Variants in CLOCK observed in about 807,000 individuals in gnomAD.
The protein encoded by CLOCK is clock circadian regulator, also known as circadian locomoter output cycles protein kaput.
Under a neutral mutation model 118.4 loss-of-function variants are expected in CLOCK, and 43 were observed. That is an observed-to-expected ratio of 0.36 (90% CI 0.28 to 0.47). CLOCK has a LOEUF of 0.47. Ranked by LOEUF, CLOCK falls within the 20% of genes least tolerant of loss-of-function variation. The pLI is 1.00. For synonymous variants in CLOCK, 326 were observed against 339.2 expected, an observed-to-expected ratio of 0.96 and a Z score of 0.43; for missense variants, 846 against 999.9, an observed-to-expected ratio of 0.85 and a Z score of 2.08.
intron 22 of CLOCK, 25 bp from the exon 23 acceptor site, chr4:55,435,619 C>T: frequency 6.2e-7 from 1 of 1,611,864 alleles, no homozygotes; most frequent in Non-Finnish European, 8.5e-7. Flanking sequence ...GATTATGCAG[C>T]ATTGCTTTAC....
chr4:55,468,521 A>G (rs1454350881), intron 8 of CLOCK, among the ~76,000 whole-genome samples: 2 of 152,210 alleles, frequency 1.3e-5, no homozygotes. Context: ...CTGGTCATAT[A>G]GATAATGAAT....
rs1722637000 is a variant in CLOCK at position 55,433,204 on chromosome 4, T to C, written c.*2211A>G. 1 of 152,628 alleles carries C rather than the reference T, an allele frequency of 6.6e-6. No individual in the cohort carries two copies. The highest frequency in any genetic ancestry group is 1.5e-5 in the Non-Finnish European group (1 of 68,044). The allele number at this position is 152,628 out of a possible 1,614,324, so 9.5% of individuals were successfully genotyped here. A position where few individuals can be genotyped will look rare whatever the true frequency, so the allele number is the denominator to read the frequency against. On this transcript the variant is annotated 3_prime_UTR_variant, in exon 23 of 23. Coordinates refer to ENST00000513440, the MANE Select transcript of CLOCK (RefSeq NM_004898.4). ...CCTTGTCTGTGTACATATGCTCAGG[T>C]ACATACATATTCTGACAACTATTCT... is the stretch of plus-strand genomic sequence containing the variant.
In CLOCK at chr4:55,453,832, G is replaced by C. The variant is rs1462136747; in HGVS notation, c.983-8C>G. 1 of 1,573,182 alleles carries C rather than the reference G, an allele frequency of 6.4e-7. No individual in the cohort carries two copies. The highest frequency in any genetic ancestry group is 8.7e-7 in the Non-Finnish European group (1 of 1,151,718). On this transcript the variant is annotated splice_region_variant and splice_polypyrimidine_tract_variant and intron_variant, in intron 13 of 22. Coordinates refer to ENST00000513440, the MANE Select transcript of CLOCK (RefSeq NM_004898.4). ...CTTTCCCATATTGCATTACTAAAAG[G>C]AAAATAGAGAAATATTTTTTCTTTA...
At position 55,491,612 on chromosome 4, in the gene CLOCK, C is replaced by T. The variant is rs113004085; in HGVS notation, c.-135-2147G>A. ...ATTCCTAGAAATATGCCATCTACCACGAAGGCTGAATCATGAATAGAAAAA... is the reference window on the plus strand; with the variant it reads ...ATTCCTAGAAATATGCCATCTACCATGAAGGCTGAATCATGAATAGAAAAA... On this transcript the variant is annotated intron_variant, in intron 2 of 22. Transcript: ENST00000513440. Among the ~76,000 whole-genome samples, 13 of 152,128 alleles carry T rather than the reference C, an allele frequency of 8.5e-5. No individual in the cohort carries two copies. The East Asian group carries it at 9.7e-4, about 11-fold the overall frequency.
Position 55,429,667 on chromosome 4 carries a change from A to G in CLOCK, c.*5748T>C, listed in dbSNP as rs193270113. The G allele has an allele frequency of 2.6e-5, 4 of 152,384 alleles. No individual in the cohort carries two copies. The East Asian group carries it at 7.7e-4, about 29-fold the overall frequency. 9.4% of individuals were successfully genotyped at this position (152,384 alleles called of 1,614,324 possible). A position where few individuals can be genotyped will look rare whatever the true frequency, so the allele number is the denominator to read the frequency against. ...TTACTAACATTTCCCCAAATGGGCA[A>G]AATAGAGGCATCATGTGCCATTGGT... On this transcript the variant is annotated 3_prime_UTR_variant, in exon 23 of 23. Coordinates refer to ENST00000513440, the MANE Select transcript of CLOCK (RefSeq NM_004898.4).
intron 2 of CLOCK, among the ~76,000 whole-genome samples, chr4:55,489,934 T>TAAAG (rs761989380): frequency 2.8e-4 from 41 of 148,970 alleles, no homozygotes; most frequent in South Asian, 4.3e-4. Flanking sequence ...CTACAAAAAA[T>TAAAG]AAAGAAAGAA....
chr4:55,508,572 C>G (rs1219238730), intron 2 of CLOCK, among the ~76,000 whole-genome samples: 2 of 150,026 alleles, frequency 1.3e-5, no homozygotes, highest in Non-Finnish European at 3.0e-5. Flanking sequence ...TAAACTTATT[C>G]TGTAAAGGGC....
intron 1 of CLOCK, among the ~76,000 whole-genome samples, chr4:55,511,328 C>A (rs951345038): frequency 5.9e-5 from 9 of 152,048 alleles, no homozygotes; most frequent in African/African-American, 1.7e-4. Context: ...TATTAATTTT[C>A]TTGTACTGAC....
At chr4:55,517,073 G>A (rs1160273335) in intron 1 of CLOCK, among the ~76,000 whole-genome samples, 1 of 152,134 alleles carries the variant, frequency 6.6e-6, no homozygotes, top group Non-Finnish European at 1.5e-5. Context: ...TGAATACACT[G>A]TTGATAACAT....
chr4:55,458,763 C>A, intron 11 of CLOCK, 129 bp downstream of exon 11: 1 of 676,074 alleles, frequency 1.5e-6, no homozygotes, highest in South Asian at 1.7e-5. Flanking sequence ...GATAACTCAT[C>A]GTTTCAAAAA....
intron 4 of CLOCK, among the ~76,000 whole-genome samples, chr4:55,481,260 T>C (rs1256869580): frequency 6.6e-6 from 1 of 152,168 alleles, no homozygotes; most frequent in Non-Finnish European, 1.5e-5. Context: ...GGGGATTCCA[T>C]GTAGGCCCTG....
chr4:55,450,371 A>C, intron 15 of CLOCK, 139 bp from the exon 16 acceptor site: 1 of 898,984 alleles, frequency 1.1e-6, no homozygotes, highest in Non-Finnish European at 1.8e-6. Flanking sequence ...TACACATGTA[A>C]AGAAATGAAA....
At chr4:55,529,529 A>T (rs1730407443) in intron 1 of CLOCK, among the ~76,000 whole-genome samples, 1 of 152,210 alleles carries the variant, frequency 6.6e-6, no homozygotes, top group African/African-American at 2.4e-5. Flanking sequence ...CATAGAAGAA[A>T]TCTCAAAATA....
intron 6 of CLOCK, 52 bp downstream of exon 6, chr4:55,478,763 T>C (rs1157565446): frequency 6.4e-7 from 1 of 1,572,200 alleles, no homozygotes; most frequent in Non-Finnish European, 8.7e-7. Flanking sequence ...TCTGCCAAGA[T>C]TCTAACTAAT....
chr4:55,503,394 T>C (rs534137437), intron 2 of CLOCK, among the ~76,000 whole-genome samples: 3 of 152,308 alleles, frequency 2.0e-5, no homozygotes, highest in South Asian at 4.1e-4. Flanking sequence ...AATTCAAAAA[T>C]AGACAATACT....
intron 1 of CLOCK, among the ~76,000 whole-genome samples, chr4:55,517,727 C>A (rs1262130965): frequency 1.3e-5 from 2 of 152,096 alleles, no homozygotes; most frequent in Admixed American, 6.5e-5. Context: ...ACCAACTGGG[C>A]CTAGAGATAT....
intron 8 of CLOCK, among the ~76,000 whole-genome samples, chr4:55,464,674 T>A (rs139182635): frequency 6.6e-6 from 1 of 152,330 alleles, no homozygotes; most frequent in Non-Finnish European, 1.5e-5. Context: ...GCAGTTATAC[T>A]TTTTGTTTTT....
Position 55,449,460 on chromosome 4 carries a change from G to A in CLOCK, c.1385C>T (p.Pro462Leu), listed in dbSNP as rs1724230664. ...PTKIPTDTST[P>L]PRQHLPAHEK... ...ATGAGCTGGTAAATGCTGCCTGGGTGGAGTGCTCGTATCCGTCGGGATCTT... is the reference window on the plus strand; with the variant it reads ...ATGAGCTGGTAAATGCTGCCTGGGTAGAGTGCTCGTATCCGTCGGGATCTT... Residue 462 changes from proline to leucine, a missense_variant, in exon 17 of 23, where the codon CCA becomes CTA. By Grantham distance (98) the Pro-to-Leu change is moderately conservative. This residue lies in a region of CLOCK where 520 missense variants were observed against 558.0 expected (regional missense o/e 0.93). Coordinates refer to ENST00000513440, the MANE Select transcript of CLOCK (RefSeq NM_004898.4). 6.2e-7 allele frequency: 1 copy of A among 1,614,018 alleles called. No individual in the cohort carries two copies. Among genetic ancestry groups the A allele is most frequent in the Non-Finnish European group, 8.5e-7 (1 of 1,179,940 alleles).
At chr4:55,499,714 T>C (rs553142621) in intron 2 of CLOCK, among the ~76,000 whole-genome samples, 1 of 152,322 alleles carries the variant, frequency 6.6e-6, no homozygotes, top group African/African-American at 2.4e-5. Flanking sequence ...AAATCTATCC[T>C]CCGCATGCAT....
Sources: gnomAD v4.1 joint callset for allele counts (sites outside exome capture counted in the v4.1 genomes callset) on GRCh38, gnomAD v4.1.1 for gene constraint, gnomAD v4.1.1 regional missense constraint, MANE v1.5 for transcripts, NCBI Gene and HGNC (gene_info 2026-07-23, HGNC 2026-07-21) for gene names.